Variants in ZSCAN23 observed in about 807,000 individuals in gnomAD.
ZSCAN23 encodes the protein zinc finger and SCAN domain containing 23.
A neutral mutation model predicts 19.3 loss-of-function variants in ZSCAN23; 19 were observed. That is an observed-to-expected ratio of 0.99 (90% CI 0.69 to 1.45). The LOEUF is 1.45. Among genes scored for constraint, ZSCAN23 ranks in the 40% most tolerant of loss-of-function variants. The probability of loss-of-function intolerance (pLI) is 0.00; values close to 1 mark genes in which losing one functional copy is unlikely to be tolerated. For synonymous variants in ZSCAN23, 140 were observed against 166.2 expected, an observed-to-expected ratio of 0.84 and a Z score of 1.21; for missense variants, 372 against 462.5, an observed-to-expected ratio of 0.80 and a Z score of 1.79.
chr6:28,438,854 G>T (rs943943945), intron 1 of ZSCAN23, among the ~76,000 whole-genome samples: 1 of 152,180 alleles, frequency 6.6e-6, no homozygotes, highest in Non-Finnish European at 1.5e-5. Flanking sequence ...TAAATTACAA[G>T]TGAACACTGA....
chr6:28,441,562 TATGTC>T lies in ZSCAN23; in HGVS notation c.-78+1832_-78+1836del, dbSNP rs1003383054. Among the ~76,000 whole-genome samples the T allele has an allele frequency of 3.3e-5, 5 of 152,106 alleles. 1 individual carries two copies. The highest frequency in any genetic ancestry group is 6.5e-5 in the Admixed American group (1 of 15,268). ...TCACCCTCTTCCAACTGCCCACTCA[TATGTC>T]ATGTACTGTATGAGTCCCACCTTTC... is the stretch of plus-strand genomic sequence containing the variant. On this transcript the variant is annotated intron_variant, in intron 1 of 3. Coordinates refer to ENST00000289788, the MANE Select transcript of ZSCAN23 (RefSeq NM_001012455.2).
intron 1 of ZSCAN23, among the ~76,000 whole-genome samples, chr6:28,441,874 A>AT (rs371867784): frequency 0.03 from 3,901 of 130,942 alleles, 103 homozygotes; most frequent in African/African-American, 0.046. Context: ...CTGGTTGTTA[A>AT]TTTTTTTTTT....
chr6:28,440,847 T>C (rs1761985114), intron 1 of ZSCAN23, among the ~76,000 whole-genome samples: 1 of 152,164 alleles, frequency 6.6e-6, no homozygotes, highest in South Asian at 2.1e-4. Context: ...TTCCTTCACC[T>C]GATTTTGCTT....
rs1021464024 is a variant in ZSCAN23 at position 28,433,225 on chromosome 6, T to A, written c.*1240A>T. On this transcript the variant is annotated 3_prime_UTR_variant, in exon 4 of 4. Transcript: ENST00000289788. ...CTATAAATTCCATATACTTGTAATT[T>A]TTATTTGGTGATATAATGCCTCCAG... is the stretch of plus-strand genomic sequence containing the variant. 2 of 152,110 alleles carry A rather than the reference T, an allele frequency of 1.3e-5. No individual in the cohort carries two copies. The highest frequency in any genetic ancestry group is 4.8e-5 in the African/African-American group (2 of 41,430). The allele number at this position is 152,110 out of a possible 1,614,324, so 9.4% of individuals were successfully genotyped here.
At chr6:28,424,225 T>C in the ZSCAN23 span, among the ~76,000 whole-genome samples, 1 of 152,246 alleles carries the variant, frequency 6.6e-6, no homozygotes, top group Admixed American at 6.5e-5. Flanking sequence ...CATGACAGTC[T>C]ATTAAGTGTG....
At chr6:28,427,586 T>C (rs1422311931), downstream of ZSCAN23, among the ~76,000 whole-genome samples, 3 of 152,164 alleles carry the variant, frequency 2.0e-5, no homozygotes, top group Admixed American at 1.3e-4. Context: ...TATTTGTATA[T>C]CTAAACATAT....
At position 28,443,467 on chromosome 6, in the gene ZSCAN23, G is replaced by A. The variant is rs13190937; in HGVS notation, c.-146C>T. The A allele has an allele frequency of 0.31, 47,857 of 152,174 alleles. 7,919 individuals are homozygous for A. The highest frequency in any genetic ancestry group is 0.39 in the African/African-American group (16,255 of 41,500). The allele number at this position is 152,174 out of a possible 1,614,324, so 9.4% of individuals were successfully genotyped here. A position where few individuals can be genotyped will look rare whatever the true frequency, so the allele number is the denominator to read the frequency against. ...CTGCTCTGAATCCTTGACAACCGCA[G>A]CCCAAAGAATGATAAACTACAAAGG... On this transcript the variant is annotated 5_prime_UTR_variant, in exon 1 of 4. Coordinates refer to ENST00000289788, the MANE Select transcript of ZSCAN23 (RefSeq NM_001012455.2).
Position 28,434,959 on chromosome 6 carries a change from A to G in ZSCAN23, c.676T>C (p.Tyr226His), listed in dbSNP as rs1761847990. The part of the protein sequence containing the change: ...QNGNITQIPE[Y>H]GDTCDREGRL... ...CCCTCACGGTCACAGGTATCTCCAT[A>G]CTCAGGAATCTGAGTAATATTACCA... is the stretch of plus-strand genomic sequence containing the variant. The change falls in exon 4 of 4, where the codon TAT (tyrosine) becomes CAT (histidine). Residue 226 changes from tyrosine to histidine, a missense_variant. By Grantham distance (83) the Tyr-to-His change is moderately conservative. Transcript: ENST00000289788. The G allele has an allele frequency of 6.4e-7, 1 of 1,551,814 alleles. No individual in the cohort carries two copies. Among genetic ancestry groups the G allele is most frequent in the Non-Finnish European group, 8.7e-7 (1 of 1,147,044 alleles).
At chr6:28,426,209 G>A in the ZSCAN23 span, among the ~76,000 whole-genome samples, 41 of 152,296 alleles carry the variant, frequency 2.7e-4, no homozygotes, top group Non-Finnish European at 4.4e-4. Flanking sequence ...TTCACAACTG[G>A]CTGTTTGGTA....
At chr6:28,439,380 C>A (rs1446073706) in intron 1 of ZSCAN23, among the ~76,000 whole-genome samples, 3 of 152,178 alleles carry the variant, frequency 2.0e-5, no homozygotes, top group Non-Finnish European at 1.5e-5. Flanking sequence ...AGCCACCACG[C>A]CCAGCCTTCC....
chr6:28,433,097 A>G lies in ZSCAN23; in HGVS notation c.*1368T>C, dbSNP rs1027891604. 6 of 152,186 alleles carry G rather than the reference A, an allele frequency of 3.9e-5. No homozygotes were observed. The highest frequency in any genetic ancestry group is 2.1e-4 in the South Asian group (1 of 4,834). 9.4% of individuals were successfully genotyped at this position (152,186 alleles called of 1,614,324 possible). Reference sequence around the variant, plus strand: ...TGCTTTCAATGAGGAATAAATGAGAAGAGTCTTTCCTGGACTCCACTGTAA... The same window carrying G: ...TGCTTTCAATGAGGAATAAATGAGAGGAGTCTTTCCTGGACTCCACTGTAA... On this transcript the variant is annotated 3_prime_UTR_variant, in exon 4 of 4. Coordinates refer to ENST00000289788, the MANE Select transcript of ZSCAN23 (RefSeq NM_001012455.2).
chr6:28,435,170 T>G, intron 3 of ZSCAN23, 92 bp from the exon 4 acceptor site: 2 of 1,391,240 alleles, frequency 1.4e-6, no homozygotes, highest in Non-Finnish European at 1.9e-6. Context: ...GCCAGGAGAA[T>G]GGGTGGAAGG....
At position 28,436,141 on chromosome 6, in the gene ZSCAN23, A is replaced by T. The variant is rs756652462; in HGVS notation, c.126T>A (p.His42Gln). The T allele has an allele frequency of 1.9e-6, 3 of 1,598,226 alleles. No homozygotes were observed. In the South Asian group the frequency reaches 3.4e-5, roughly 18 times the overall value. ...PESGLSRNNP[H>Q]TREIFRRRFR... ...AGCGTCTACGAAAGATCTCTCTGGT[A>T]TGAGGGTTATTTCTTGACAGGCCTG... is the stretch of plus-strand genomic sequence containing the variant. The change falls in exon 2 of 4, where the codon CAT becomes CAA. Residue 42 changes from histidine to glutamine, a missense_variant. By Grantham distance (24) the His-to-Gln change is conservative. Coordinates refer to ENST00000289788, the MANE Select transcript of ZSCAN23 (RefSeq NM_001012455.2).
chr6:28,433,058 T>C lies in ZSCAN23; in HGVS notation c.*1407A>G, dbSNP rs1320971279. 6.6e-6 allele frequency: 1 copy of C among 152,098 alleles called. No individual in the cohort carries two copies. The highest frequency in any genetic ancestry group is 6.5e-5 in the Admixed American group (1 of 15,268). 9.4% of individuals were successfully genotyped at this position (152,098 alleles called of 1,614,324 possible). A position where few individuals can be genotyped will look rare whatever the true frequency, so the allele number is the denominator to read the frequency against. ...AAATTTTAAAAGCTAAAAATAATAA[T>C]TACAAAAATAAAATGCTTTCAATGA... On this transcript the variant is annotated 3_prime_UTR_variant, in exon 4 of 4. Coordinates refer to ENST00000289788, the MANE Select transcript of ZSCAN23 (RefSeq NM_001012455.2).
chr6:28,422,702 A>AT, the ZSCAN23 span, among the ~76,000 whole-genome samples: 26 of 135,052 alleles, frequency 1.9e-4, no homozygotes, highest in African/African-American at 3.6e-4. The surrounding 1 kb of genome is among the most constrained non-coding windows in gnomAD (Gnocchi z 4.0). Flanking sequence ...GAGTAGCAGG[A>AT]TTTTTTAAAA....
At chr6:28,427,307 A>G (rs941390015), downstream of ZSCAN23, among the ~76,000 whole-genome samples, 10 of 152,200 alleles carry the variant, frequency 6.6e-5, no homozygotes, top group Admixed American at 4.6e-4. Flanking sequence ...TTGTTCTTCC[A>G]TAAGTTGGTT....
chr6:28,422,453 C>T, the ZSCAN23 span, among the ~76,000 whole-genome samples: 48,804 of 151,934 alleles, frequency 0.32, 8,159 homozygotes, highest in African/African-American at 0.4. The surrounding 1 kb of genome is among the most constrained non-coding windows in gnomAD (Gnocchi z 4.0). Context: ...ATGTACTGTA[C>T]AATGACATTT....
At position 28,435,859 on chromosome 6, in the gene ZSCAN23, C is replaced by T; in HGVS notation, c.408G>A (p.Gln136=). The part of the protein sequence containing the change: ...LERELDDPGE[Q]VLSHAHEQEE... ...AATCCCTGTTCTCCCATCTTCTCAC[C>T]TGCTCTCCTGGGTCATCCAGCTCTC... is the stretch of plus-strand genomic sequence containing the variant. Residue 136 remains glutamine (Q), a splice_region_variant and synonymous_variant, in exon 2 of 4, where the codon CAG becomes CAA. Transcript: ENST00000289788. The T allele has an allele frequency of 1.9e-6, 3 of 1,576,606 alleles. No homozygotes were observed. The highest frequency in any genetic ancestry group is 1.7e-6 in the Non-Finnish European group (2 of 1,164,350).
rs766159474 is a variant in ZSCAN23, at chr6:28,436,100, T to A, written c.167A>T (p.Tyr56Phe). ...CTCCCGGGGCCCAGGGGACTCCTGATAGCAGAACTGCCTGAAGCGTCTACG... is the reference window on the plus strand; with the variant it reads ...CTCCCGGGGCCCAGGGGACTCCTGAAAGCAGAACTGCCTGAAGCGTCTACG... ...IFRRRFRQFCYQESPGPREAL... is the reference protein window; with the variant it reads ...IFRRRFRQFCFQESPGPREAL... Residue 56 changes from tyrosine (Y) to phenylalanine (F), a missense_variant, in exon 2 of 4, where the codon TAT becomes TTT. Coordinates refer to ENST00000289788, the MANE Select transcript of ZSCAN23 (RefSeq NM_001012455.2). 6.2e-7 allele frequency: 1 copy of A among 1,613,944 alleles called. No individual in the cohort carries two copies. Among genetic ancestry groups the A allele is most frequent in the Non-Finnish European group, 8.5e-7 (1 of 1,179,894 alleles).
Sources: gnomAD v4.1 joint callset for allele counts (sites outside exome capture counted in the v4.1 genomes callset) on GRCh38, gnomAD v4.1.1 for gene constraint, Gnocchi (gnomAD v3.1) non-coding constraint, MANE v1.5 for transcripts, NCBI Gene and HGNC (gene_info 2026-07-23, HGNC 2026-07-21) for gene names.